RSL24D1: variants seen among roughly 807,000 people sequenced by gnomAD.
The protein encoded by RSL24D1 is probable ribosome biogenesis protein RLP24.
In RSL24D1, 6 loss-of-function variants were observed where a neutral mutation model predicts 26.2. The observed-to-expected ratio is 0.23, with a 90% confidence interval of 0.13 to 0.45. RSL24D1 has a LOEUF of 0.45. Ranked by LOEUF, RSL24D1 falls within the 20% of genes least tolerant of loss-of-function variation. The probability of loss-of-function intolerance (pLI) is 0.99; values close to 1 mark genes in which losing one functional copy is unlikely to be tolerated. For missense variants in RSL24D1, 176 were observed against 202.6 expected (o/e 0.87, Z 0.80); for synonymous variants, 61 against 59.1 (o/e 1.03, Z -0.15).
In RSL24D1 at chr15:55,183,407, C is replaced by T. The variant is rs914419642; in HGVS notation, c.333-7G>A. On this transcript the variant is annotated splice_region_variant and splice_polypyrimidine_tract_variant and intron_variant, in intron 4 of 5. Transcript: ENST00000260443. ...CTCTTTATTTTTCTTCAATCTACAACAAAACATATTAAAGCCAAAATTTCA... is the reference window on the plus strand; with the variant it reads ...CTCTTTATTTTTCTTCAATCTACAATAAAACATATTAAAGCCAAAATTTCA... 2.5e-6 allele frequency: 4 copies of T among 1,609,860 alleles called. No individual in the cohort carries two copies. The highest frequency in any genetic ancestry group is 1.7e-5 in the Admixed American group (1 of 59,630).
intron 3 of RSL24D1, among the ~76,000 whole-genome samples, chr15:55,188,935 T>C (rs535588776): frequency 6.6e-6 from 1 of 152,338 alleles, no homozygotes; most frequent in East Asian, 1.9e-4. Context: ...CTCACGCCTG[T>C]AATCCCAGCA....
chr15:55,191,175 T>C (rs1387863102), intron 2 of RSL24D1, 128 bp from the exon 3 acceptor site: 2 of 637,656 alleles, frequency 3.1e-6, no homozygotes, highest in Non-Finnish European at 5.2e-6. Context: ...CCTCAGGGTA[T>C]CTCAGAGAAT....
At chr15:55,193,160 G>A (rs986469789) in intron 1 of RSL24D1, among the ~76,000 whole-genome samples, 1 of 152,162 alleles carries the variant, frequency 6.6e-6, no homozygotes, top group Non-Finnish European at 1.5e-5. Flanking sequence ...AAAATTCACT[G>A]TCTTTATACC....
At chr15:55,189,034 T>C (rs1894260846) in intron 3 of RSL24D1, among the ~76,000 whole-genome samples, 2 of 151,720 alleles carry the variant, frequency 1.3e-5, no homozygotes, top group South Asian at 2.1e-4. Context: ...TCTACTAAAA[T>C]ACAAAAAAAT....
rs1894166879 is a variant in RSL24D1 at position 55,181,580 on chromosome 15, C to T, written c.*572G>A. On this transcript the variant is annotated 3_prime_UTR_variant, in exon 6 of 6. Coordinates refer to ENST00000260443, the MANE Select transcript of RSL24D1 (RefSeq NM_016304.3). Reference sequence around the variant, plus strand: ...AGGCAAAGATTATTCAGTTCTCATCCCCAGCATCCACAACTACCTATCAGA... The same window carrying T: ...AGGCAAAGATTATTCAGTTCTCATCTCCAGCATCCACAACTACCTATCAGA... 6.6e-6 allele frequency: 1 copy of T among 152,572 alleles called. No individual in the cohort carries two copies. The highest frequency in any genetic ancestry group is 2.4e-5 in the African/African-American group (1 of 41,426). 9.5% of individuals were successfully genotyped at this position (152,572 alleles called of 1,614,324 possible). A position where few individuals can be genotyped will look rare whatever the true frequency, so the allele number is the denominator to read the frequency against.
chr15:55,196,924 C>T lies in RSL24D1; in HGVS notation c.-34G>A. ...CGCGTGTAACCCCACCAAACAAACG[C>T]CAAGCTTGAGAGGAAGTGATGCAAC... On this transcript the variant is annotated 5_prime_UTR_variant, in exon 1 of 6. Coordinates refer to ENST00000260443, the MANE Select transcript of RSL24D1 (RefSeq NM_016304.3). The T allele has an allele frequency of 6.2e-7, 1 of 1,606,860 alleles. No individual in the cohort carries two copies. The highest frequency in any genetic ancestry group is 8.5e-7 in the Non-Finnish European group (1 of 1,173,710).
In RSL24D1 at chr15:55,185,408, C is replaced by T. The variant is rs750846016; in HGVS notation, c.286G>A (p.Val96Ile). The change falls in exon 4 of 6, where the codon GTT (valine) becomes ATT (isoleucine). Residue 96 changes from valine to isoleucine, a missense_variant. Around this residue, in one of 3 missense-constraint regions of RSL24D1, gnomAD observed 89 missense variants for 135.1 expected, o/e 0.66. Coordinates refer to ENST00000260443, the MANE Select transcript of RSL24D1 (RefSeq NM_016304.3). ...WNKTIDAMKRVEEIKQKRQAK... is the reference protein window; with the variant it reads ...WNKTIDAMKRIEEIKQKRQAK... ...TGGCGCTTCTGTTTGATTTCTTCAA[C>T]TCTCTTCATCGCATCAACTACAAAA... 1.1e-5 allele frequency: 17 copies of T among 1,607,766 alleles called. No homozygotes were observed. The highest frequency in any genetic ancestry group is 1.7e-4 in the Middle Eastern group (1 of 6,060).
intron 1 of RSL24D1, chr15:55,196,582 A>G (rs1406585601): frequency 3.4e-5 from 20 of 593,578 alleles, no homozygotes; most frequent in African/African-American, 2.4e-4. Context: ...CTCGCTGCCA[A>G]CGCCACCCAA....
chr15:55,190,762 C>A (rs1400339603), intron 3 of RSL24D1, among the ~76,000 whole-genome samples: 2 of 151,332 alleles, frequency 1.3e-5, no homozygotes, highest in Non-Finnish European at 2.9e-5. Flanking sequence ...TTAATAATTA[C>A]ATTATTTTAA....
At chr15:55,187,661 G>GT (rs1364480291) in intron 3 of RSL24D1, among the ~76,000 whole-genome samples, 2 of 151,962 alleles carry the variant, frequency 1.3e-5, no homozygotes, top group Non-Finnish European at 1.5e-5. Context: ...AGCTAACACT[G>GT]TATGTTCTCA....
intron 4 of RSL24D1, among the ~76,000 whole-genome samples, chr15:55,183,699 G>C (rs549546355): frequency 6.6e-6 from 1 of 152,206 alleles, no homozygotes; most frequent in South Asian, 2.1e-4. Flanking sequence ...CAAATCTAAG[G>C]TAAGGTCACC....
At chr15:55,183,082 T>G (rs193022447) in intron 5 of RSL24D1, among the ~76,000 whole-genome samples, 77 of 152,206 alleles carry the variant, frequency 5.1e-4, no homozygotes, top group African/African-American at 1.8e-3. Context: ...CGCAAATCAT[T>G]TTGCATAACT....
chr15:55,195,748 T>C (rs541448626), intron 1 of RSL24D1, among the ~76,000 whole-genome samples: 8 of 152,354 alleles, frequency 5.3e-5, no homozygotes, highest in African/African-American at 1.9e-4. Flanking sequence ...TTCTTTTACG[T>C]TATCAAACAT....
At chr15:55,196,708 C>A in intron 1 of RSL24D1, 102 bp downstream of exon 1, 1 of 1,130,568 alleles carries the variant, frequency 8.8e-7, no homozygotes. Flanking sequence ...CGGGAGGAAC[C>A]CGGGCCAAAC....
At chr15:55,189,086 G>C (rs918407493) in intron 3 of RSL24D1, among the ~76,000 whole-genome samples, 3 of 151,802 alleles carry the variant, frequency 2.0e-5, no homozygotes, top group African/African-American at 7.3e-5. Context: ...CCAGCTACTC[G>C]GGAGGCTGAG....
chr15:55,188,680 G>A (rs1377765755), intron 3 of RSL24D1, among the ~76,000 whole-genome samples: 4 of 152,110 alleles, frequency 2.6e-5, no homozygotes, highest in East Asian at 3.8e-4. Flanking sequence ...TATTTCTCTC[G>A]AGCAATGTAA....
intron 5 of RSL24D1, among the ~76,000 whole-genome samples, 159 bp downstream of exon 5, chr15:55,183,156 C>A (rs1894188043): frequency 1.3e-5 from 2 of 152,096 alleles, no homozygotes; most frequent in Non-Finnish European, 2.9e-5. Flanking sequence ...AATAGACTGA[C>A]TGCAATTGGG....
At chr15:55,191,104 C>T (rs1421251306) in intron 2 of RSL24D1, 57 bp from the exon 3 acceptor site, 3 of 1,243,042 alleles carry the variant, frequency 2.4e-6, no homozygotes, top group African/African-American at 1.5e-5. Context: ...AGAAAGGAAA[C>T]ATTTCTTAAA....
intron 1 of RSL24D1, chr15:55,196,434 G>C: frequency 2.0e-6 from 1 of 489,554 alleles, no homozygotes; most frequent in East Asian, 6.0e-5. Flanking sequence ...ATGGACCTTA[G>C]TGTAATGCCT....
Sources: gnomAD v4.1 joint callset for allele counts (sites outside exome capture counted in the v4.1 genomes callset) on GRCh38, gnomAD v4.1.1 for gene constraint, gnomAD v4.1.1 regional missense constraint, MANE v1.5 for transcripts, NCBI Gene and HGNC (gene_info 2026-07-23, HGNC 2026-07-21) for gene names.